Variants in ADAMTS12 observed in about 807,000 individuals in gnomAD.
ADAMTS12 encodes ADAM metallopeptidase with thrombospondin type 1 motif 12.
Under a neutral mutation model 167.8 loss-of-function variants are expected in ADAMTS12, and 118 were observed. The ratio of observed to expected loss-of-function variants is 0.70; its 90% CI spans 0.61 to 0.82. ADAMTS12 has a LOEUF of 0.82. Ranked by LOEUF, ADAMTS12 falls within the 40% of genes least tolerant of loss-of-function variation. The pLI, the probability that ADAMTS12 is intolerant of heterozygous loss-of-function variation, is 0.00. For missense variants in ADAMTS12, 1,916 were observed against 1,998.8 expected (o/e 0.96, Z 0.79); for synonymous variants, 704 against 716.9 (o/e 0.98, Z 0.29).
At chr5:33,621,877 G>A (rs1252557451) in intron 14 of ADAMTS12, among the ~76,000 whole-genome samples, 1 of 152,200 alleles carries the variant, frequency 6.6e-6, no homozygotes, top group Admixed American at 6.5e-5. Context: ...ACAGTACCTG[G>A]TATATGTTTT....
chr5:33,690,639 G>C lies in ADAMTS12; in HGVS notation c.635-6584C>G, dbSNP rs1450868206. Among the ~76,000 whole-genome samples, 6 of 152,234 alleles carry C rather than the reference G, an allele frequency of 3.9e-5. No homozygotes were observed. The East Asian group carries it at 1.2e-3, about 29-fold the overall frequency. ...TCAAATGTAAGTAAAAAGGATGTTT[G>C]AAGATCCTTCCAGAGAGTCAATAAT... On this transcript the variant is annotated intron_variant, in intron 3 of 23. Transcript: ENST00000504830.
At chr5:33,797,318 T>C (rs1172500951) in intron 2 of ADAMTS12, among the ~76,000 whole-genome samples, 1 of 152,136 alleles carries the variant, frequency 6.6e-6, no homozygotes, top group East Asian at 1.9e-4. Flanking sequence ...CCATTGACAC[T>C]GGAGACTAAT....
At chr5:33,635,669 GGGA>G (rs1740154554) in intron 12 of ADAMTS12, among the ~76,000 whole-genome samples, 1 of 152,168 alleles carries the variant, frequency 6.6e-6, no homozygotes, top group Non-Finnish European at 1.5e-5. Flanking sequence ...AAGGATGCCT[GGGA>G]GGCTGTAAGG....
Position 33,628,752 on chromosome 5 carries a change from G to C in ADAMTS12, c.2022+2028C>G, listed in dbSNP as rs372479447. Among the ~76,000 whole-genome samples, 17 of 152,190 alleles carry C rather than the reference G, an allele frequency of 1.1e-4. No individual in the cohort carries two copies. The East Asian group carries it at 1.3e-3, about 12-fold the overall frequency. On this transcript the variant is annotated intron_variant, in intron 13 of 23. Transcript: ENST00000504830. ...GGAGCCTGGAATTACCTACAACCTG[G>C]ATCCTTGAAGATAAAGTATTTAGGC... is the stretch of plus-strand genomic sequence containing the variant.
intron 2 of ADAMTS12, among the ~76,000 whole-genome samples, chr5:33,769,718 C>T (rs1745673164): frequency 6.6e-6 from 1 of 152,138 alleles, no homozygotes; most frequent in African/African-American, 2.4e-5. Context: ...ATTTGGGACA[C>T]TTGGGTCAAA....
intron 2 of ADAMTS12, among the ~76,000 whole-genome samples, chr5:33,760,566 C>T (rs1745316997): frequency 6.6e-6 from 1 of 152,266 alleles, no homozygotes; most frequent in Admixed American, 6.5e-5. Context: ...GACATACATG[C>T]TGAAGAAAAC....
At position 33,661,868 on chromosome 5, in the gene ADAMTS12, T is replaced by C. The variant is rs200118774; in HGVS notation, c.1040+48A>G. On this transcript the variant is annotated intron_variant, in intron 6 of 23. Transcript: ENST00000504830. ...CACCTGGTAAGCCTTTCACCTGCCA[T>C]CCCTCCCTGCTTTACTGCCCCTGGG... is the stretch of plus-strand genomic sequence containing the variant. 2.1e-4 allele frequency: 345 copies of C among 1,609,018 alleles called. 4 individuals are homozygous for C. In the Admixed American group the frequency reaches 5.7e-3, roughly 26 times the overall value.
chr5:33,747,174 C>A (rs1266810517), intron 3 of ADAMTS12, among the ~76,000 whole-genome samples: 1 of 151,784 alleles, frequency 6.6e-6, no homozygotes, highest in Non-Finnish European at 1.5e-5. Context: ...AGGGACTAAG[C>A]GAAAAAGGAA....
At chr5:33,780,852 A>G (rs1419661568) in intron 2 of ADAMTS12, among the ~76,000 whole-genome samples, 3 of 152,100 alleles carry the variant, frequency 2.0e-5, no homozygotes, top group Admixed American at 2.0e-4. Context: ...CCTTCTCACT[A>G]CAAGCAACAT....
chr5:33,632,051 A>T (rs75102456), intron 12 of ADAMTS12, among the ~76,000 whole-genome samples: 20,245 of 152,232 alleles, frequency 0.13, 1,717 homozygotes, highest in Non-Finnish European at 0.2. Context: ...TGTAACCATG[A>T]GCAAAAGCTC....
chr5:33,767,188 A>C (rs1354216543), intron 2 of ADAMTS12, among the ~76,000 whole-genome samples: 1 of 152,212 alleles, frequency 6.6e-6, no homozygotes, highest in South Asian at 2.1e-4. Context: ...TATGTTCAAC[A>C]TGATTCCAAC....
intron 2 of ADAMTS12, among the ~76,000 whole-genome samples, chr5:33,753,115 G>C (rs1055835673): frequency 6.6e-6 from 1 of 152,168 alleles, no homozygotes; most frequent in Non-Finnish European, 1.5e-5. Context: ...TCTGTAAAAG[G>C]GGGCAACGCC....
intron 23 of ADAMTS12, 133 bp downstream of exon 23, chr5:33,534,700 G>T: frequency 1.7e-6 from 2 of 1,198,236 alleles, no homozygotes. Context: ...TGTTCCCAGG[G>T]TTACTGGTTG....
intron 2 of ADAMTS12, among the ~76,000 whole-genome samples, chr5:33,812,412 T>G (rs1337178819): frequency 6.6e-6 from 1 of 152,180 alleles, no homozygotes; most frequent in African/African-American, 2.4e-5. Context: ...TGAACACATT[T>G]TAAGTGGGCA....
At chr5:33,674,448 A>G (rs755239970) in intron 5 of ADAMTS12, among the ~76,000 whole-genome samples, 1 of 152,174 alleles carries the variant, frequency 6.6e-6, no homozygotes, top group Non-Finnish European at 1.5e-5. Flanking sequence ...GGATGTTGTA[A>G]AGGAAACAGC....
chr5:33,646,493 C>G (rs2112184403), intron 9 of ADAMTS12, among the ~76,000 whole-genome samples: 1 of 152,256 alleles, frequency 6.6e-6, no homozygotes, highest in East Asian at 1.9e-4. Context: ...GACTTTAACT[C>G]TAGAAGGAGT....
chr5:33,595,600 A>C (rs996764132), intron 17 of ADAMTS12, among the ~76,000 whole-genome samples: 1 of 152,212 alleles, frequency 6.6e-6, no homozygotes, highest in Non-Finnish European at 1.5e-5. Flanking sequence ...CTGGTGTTGC[A>C]CTGGTAAAGC....
chr5:33,666,917 T>A (rs773823314), intron 5 of ADAMTS12, among the ~76,000 whole-genome samples: 53 of 152,184 alleles, frequency 3.5e-4, no homozygotes, highest in Non-Finnish European at 6.8e-4. Context: ...TAAAACCACG[T>A]TTCATGCTTA....
chr5:33,527,400 C>T, intron 23 of ADAMTS12, 34 bp from the exon 24 acceptor site: 1 of 1,601,682 alleles, frequency 6.2e-7, no homozygotes, highest in Non-Finnish European at 8.5e-7. Context: ...GAAAAAAGTC[C>T]AAAGATTATC....
Sources: gnomAD v4.1 joint callset for allele counts (sites outside exome capture counted in the v4.1 genomes callset) on GRCh38, gnomAD v4.1.1 for gene constraint, MANE v1.5 for transcripts, NCBI Gene and HGNC (gene_info 2026-07-23, HGNC 2026-07-21) for gene names.